Variants in OTOF observed in about 807,000 individuals in gnomAD.
OTOF encodes the protein fer-1-like family member 2.
OTOF carries 218 observed loss-of-function variants against 236.8 expected under a neutral mutation model. The ratio of observed to expected loss-of-function variants is 0.92; its 90% CI spans 0.82 to 1.03. The LOEUF is 1.03. Among genes scored for constraint, OTOF ranks in the 50% least tolerant of loss-of-function variants. The pLI is 0.00. For missense variants in OTOF, 2,590 were observed against 2,694.4 expected (o/e 0.96, Z 0.86); for synonymous variants, 1,041 against 1,072.5 (o/e 0.97, Z 0.57).
chr2:26,554,119 C>T (rs969848590), intron 1 of OTOF, among the ~76,000 whole-genome samples: 3 of 134,564 alleles, frequency 2.2e-5, no homozygotes, highest in Admixed American at 9.2e-5. Context: ...TGCAGTGAGC[C>T]GAGATCGCAC....
In OTOF at chr2:26,460,617, G is replaced by A. The variant is rs765976989; in HGVS notation, c.5813+30C>T. Reference sequence around the variant, plus strand: ...TTCCAGCGCCTCCAAGAGCCAGAGTGGGGAGGGGCTGGGCCGGCAGGGCAC... The same window carrying A: ...TTCCAGCGCCTCCAAGAGCCAGAGTAGGGAGGGGCTGGGCCGGCAGGGCAC... On this transcript the variant is annotated intron_variant, in intron 45 of 46. Transcript: ENST00000272371. This position sits in a 1 kb window ranked among gnomAD's most constrained non-coding sequence, Gnocchi z 5.3. The A allele has an allele frequency of 2.5e-5, 39 of 1,552,436 alleles. No homozygotes were observed. The highest frequency in any genetic ancestry group is 3.3e-5 in the Admixed American group (2 of 59,722).
At chr2:26,530,014 A>G (rs567312865) in intron 2 of OTOF, among the ~76,000 whole-genome samples, 3 of 140,296 alleles carry the variant, frequency 2.1e-5, no homozygotes, top group South Asian at 4.7e-4. Context: ...CTGCAGGGAA[A>G]TAAAGCAGCC....
intron 1 of OTOF, among the ~76,000 whole-genome samples, chr2:26,541,860 G>A (rs1667219087): frequency 6.6e-6 from 1 of 152,218 alleles, no homozygotes; most frequent in Non-Finnish European, 1.5e-5. Context: ...TGGATCGAGT[G>A]AGAAGGAGGT....
chr2:26,517,733 T>C (rs1285551462), intron 4 of OTOF, among the ~76,000 whole-genome samples: 1 of 152,166 alleles, frequency 6.6e-6, no homozygotes, highest in Non-Finnish European at 1.5e-5. Flanking sequence ...CATCCAGGAC[T>C]TCATTGTTCC....
In OTOF at chr2:26,465,693, C is replaced by A. The variant is rs1664691251; in HGVS notation, c.4778G>T (p.Gly1593Val). The change falls in exon 38 of 47, where the codon GGC (glycine) becomes GTC (valine). Residue 1593 changes from glycine (G) to valine (V), a missense_variant. Physicochemically the swap from Gly to Val is moderately radical, Grantham distance 109 (BLOSUM62 -3). This residue lies in a region of OTOF where 1,211 missense variants were observed against 1,352.8 expected (regional missense o/e 0.90). Coordinates refer to ENST00000272371, the MANE Select transcript of OTOF (RefSeq NM_194248.3). ...ATACGTGGAGTAGGTCTGGGCGATG[C>A]CGCAGGTGGCGCGGTGCTTGCTGTA... is the stretch of plus-strand genomic sequence containing the variant. ...RFYSKHRATC[G>V]IAQTYSTHGY... 1 of 1,614,162 alleles carries A rather than the reference C, an allele frequency of 6.2e-7. No homozygotes were observed. Among genetic ancestry groups the A allele is most frequent in the Non-Finnish European group, 8.5e-7 (1 of 1,180,056 alleles).
intron 39 of OTOF, 34 bp from the exon 40 acceptor site, chr2:26,464,140 C>T: frequency 6.2e-7 from 1 of 1,611,694 alleles, no homozygotes; most frequent in Non-Finnish European, 8.5e-7. Flanking sequence ...GCACACATGG[C>T]TCAGCAGAAC....
In OTOF at chr2:26,467,201, A is replaced by T. The variant is rs1353801233; in HGVS notation, c.4260T>A (p.Asp1420Glu). Residue 1420 changes from aspartate to glutamate, a missense_variant, in exon 35 of 47, where the codon GAT (aspartate) becomes GAA (glutamate). Asp to Glu is a conservative substitution (Grantham distance 45, BLOSUM62 2). Coordinates refer to ENST00000272371, the MANE Select transcript of OTOF (RefSeq NM_194248.3). ...AAGTGTGCAGCCAGTCCTCAAAGTT[A>T]TCAAACTCGGACTCCAGCTCTTTGG... Reference protein sequence around the residue: ...VYPKELESEFDNFEDWLHTFN... With the variant: ...VYPKELESEFENFEDWLHTFN... The T allele has an allele frequency of 6.2e-7, 1 of 1,614,098 alleles. No individual in the cohort carries two copies. The highest frequency in any genetic ancestry group is 8.5e-7 in the Non-Finnish European group (1 of 1,180,002).
chr2:26,518,986 A>G (rs776930387), intron 4 of OTOF, 24 bp downstream of exon 4: 2 of 1,551,850 alleles, frequency 1.3e-6, no homozygotes, highest in Middle Eastern at 1.7e-4. Context: ...GGGAAAGTCC[A>G]GGAACTCCGT....
Position 26,477,068 on chromosome 2 carries a change from G to T in OTOF, c.2524-25C>A. 7.3e-7 allele frequency: 1 copy of T among 1,361,546 alleles called. No homozygotes were observed. Among genetic ancestry groups the T allele is most frequent in the Non-Finnish European group, 1.0e-6 (1 of 972,442 alleles). The allele number at this position is 1,361,546 out of a possible 1,614,324, so 84.3% of individuals were successfully genotyped here. On this transcript the variant is annotated intron_variant, in intron 21 of 46. Transcript: ENST00000272371. The surrounding 1 kb of genome is among the most constrained non-coding windows in gnomAD (Gnocchi z 4.7). ...GCTGGGGGTTGGGGGGTGGCCAGGG[G>T]CAGTGGGTAAGGGGGTCTAGCCTCC...
intron 9 of OTOF, among the ~76,000 whole-genome samples, 191 bp downstream of exon 9, chr2:26,494,751 T>C (rs1033788584): frequency 6.6e-6 from 1 of 151,358 alleles, no homozygotes; most frequent in African/African-American, 2.4e-5. Context: ...TGCTCTAGAC[T>C]GGGGGGTTCA....
chr2:26,482,952 T>A (rs1357170026), intron 13 of OTOF, among the ~76,000 whole-genome samples: 1 of 146,106 alleles, frequency 6.8e-6, no homozygotes, highest in Non-Finnish European at 1.5e-5. Context: ...CGTGGGTGCA[T>A]GTGTGCACGT....
intron 3 of OTOF, among the ~76,000 whole-genome samples, chr2:26,525,118 C>A (rs1666769628): frequency 6.6e-6 from 1 of 152,212 alleles, no homozygotes; most frequent in Non-Finnish European, 1.5e-5. Context: ...GGTGTCTCAC[C>A]AACCTTGCTT....
intron 1 of OTOF, among the ~76,000 whole-genome samples, chr2:26,548,969 G>T (rs1044053102): frequency 6.6e-6 from 1 of 151,926 alleles, no homozygotes; most frequent in African/African-American, 2.4e-5. Flanking sequence ...TCAAGATTTG[G>T]GTTTAATTTG....
At chr2:26,510,439 AGAG>A (rs763208306) in intron 5 of OTOF, among the ~76,000 whole-genome samples, 32 of 151,768 alleles carry the variant, frequency 2.1e-4, no homozygotes, top group Non-Finnish European at 4.3e-4. Context: ...CAAGACACGG[AGAG>A]GAGGATGGTC....
intron 1 of OTOF, among the ~76,000 whole-genome samples, chr2:26,545,361 T>C (rs1447273421): frequency 1.3e-5 from 2 of 152,234 alleles, no homozygotes; most frequent in South Asian, 2.1e-4. Flanking sequence ...ATAATTTGTC[T>C]TATTATTATT....
At chr2:26,529,060 G>A (rs1572480845) in intron 2 of OTOF, among the ~76,000 whole-genome samples, 1 of 152,284 alleles carries the variant, frequency 6.6e-6, no homozygotes. Flanking sequence ...TTTTCCATGG[G>A]CTGCCCACCA....
intron 5 of OTOF, among the ~76,000 whole-genome samples, chr2:26,509,752 C>T (rs1389512708): frequency 2.0e-5 from 3 of 152,204 alleles, no homozygotes; most frequent in Non-Finnish European, 2.9e-5. Context: ...GACCACACTC[C>T]TGGCTTTTCA....
At chr2:26,475,535 G>C (rs769077129) in intron 24 of OTOF, 42 bp from the exon 25 acceptor site, 5 of 1,605,276 alleles carry the variant, frequency 3.1e-6, no homozygotes, top group East Asian at 2.2e-5. Flanking sequence ...GTGACAGAGG[G>C]GGGGGCAGAT....
At chr2:26,467,739 C>T (rs1006390546) in intron 33 of OTOF, among the ~76,000 whole-genome samples, 14 of 152,164 alleles carry the variant, frequency 9.2e-5, no homozygotes, top group African/African-American at 3.1e-4. Flanking sequence ...AAGAGAGGGG[C>T]AGGAAGGAGC....
Sources: gnomAD v4.1 joint callset for allele counts (sites outside exome capture counted in the v4.1 genomes callset) on GRCh38, gnomAD v4.1.1 for gene constraint, gnomAD v4.1.1 regional missense constraint, Gnocchi (gnomAD v3.1) non-coding constraint, MANE v1.5 for transcripts, NCBI Gene and HGNC (gene_info 2026-07-23, HGNC 2026-07-21) for gene names.